ALK: variants seen among roughly 807,000 people sequenced by gnomAD.
ALK encodes ALK receptor tyrosine kinase.
In ALK, 74 loss-of-function variants were observed where a neutral mutation model predicts 163.1. The ratio of observed to expected loss-of-function variants is 0.45; its 90% CI spans 0.38 to 0.55. The LOEUF (loss-of-function observed/expected upper bound fraction) is 0.55. Ranked by LOEUF, ALK falls within the 20% of genes least tolerant of loss-of-function variation. ALK has a pLI of 0.00. For synonymous variants in ALK, 960 were observed against 843.2 expected, an observed-to-expected ratio of 1.14 and a Z score of -2.40; for missense variants, 2,063 against 2,105.3, an observed-to-expected ratio of 0.98 and a Z score of 0.39.
chr2:29,251,671 C>G (rs957622146), intron 11 of ALK, among the ~76,000 whole-genome samples: 14 of 152,234 alleles, frequency 9.2e-5, no homozygotes, highest in African/African-American at 3.4e-4. Context: ...GGTCCTCTCC[C>G]AGTCTCTCAC....
chr2:29,869,211 G>A (rs1666515424), intron 1 of ALK, among the ~76,000 whole-genome samples: 1 of 152,154 alleles, frequency 6.6e-6, no homozygotes, highest in South Asian at 2.1e-4. Context: ...CAAGTGGTTT[G>A]CTATGCAACC....
At chr2:29,564,859 T>C (rs1288469686) in intron 3 of ALK, among the ~76,000 whole-genome samples, 1 of 152,112 alleles carries the variant, frequency 6.6e-6, no homozygotes, top group Non-Finnish European at 1.5e-5. Context: ...TTTTCTAGGG[T>C]TCAATCTGAG....
At chr2:29,197,768 C>T in intron 26 of ALK, 92 bp from the exon 27 acceptor site, 1 of 1,137,624 alleles carries the variant, frequency 8.8e-7, no homozygotes, top group Non-Finnish European at 1.3e-6. Context: ...CAATTTCAAC[C>T]TTTTTTTCCC....
intron 4 of ALK, among the ~76,000 whole-genome samples, chr2:29,419,096 C>T (rs1358695042): frequency 6.6e-6 from 1 of 150,996 alleles, no homozygotes; most frequent in East Asian, 1.9e-4. Flanking sequence ...ACTCTGTTGC[C>T]CAGGCTTGGG....
chr2:29,212,233 T>C (rs773671441), intron 24 of ALK, among the ~76,000 whole-genome samples: 9 of 152,192 alleles, frequency 5.9e-5, no homozygotes, highest in Non-Finnish European at 1.3e-4. Context: ...GATGGAAAGA[T>C]GACTCTAACC....
intron 24 of ALK, 54 bp downstream of exon 24, chr2:29,213,929 GA>G (rs1307831564): frequency 1.4e-6 from 2 of 1,455,516 alleles, no homozygotes; most frequent in Non-Finnish European, 1.9e-6. Context: ...GATCTGCGGG[GA>G]AGCACACAGA....
chr2:29,359,859 G>A (rs1392362705), intron 5 of ALK, among the ~76,000 whole-genome samples: 3 of 152,184 alleles, frequency 2.0e-5, no homozygotes, highest in Non-Finnish European at 4.4e-5. Flanking sequence ...CCCTTTGGTG[G>A]TGCCTAAGAC....
chr2:29,273,229 G>A (rs993039894), intron 11 of ALK, among the ~76,000 whole-genome samples: 13 of 152,356 alleles, frequency 8.5e-5, no homozygotes, highest in African/African-American at 2.2e-4. Flanking sequence ...ACCATGCACC[G>A]TGCTGGGCAC....
chr2:29,681,389 T>A (rs921163589), intron 3 of ALK: 1 of 152,206 alleles, frequency 6.6e-6, no homozygotes, highest in African/African-American at 2.4e-5. Flanking sequence ...TGGCAAATGT[T>A]TTTACAGATG....
At chr2:29,364,004 A>C (rs1668445050) in intron 5 of ALK, among the ~76,000 whole-genome samples, 1 of 152,192 alleles carries the variant, frequency 6.6e-6, no homozygotes, top group African/African-American at 2.4e-5. Context: ...ACTAAATCTA[A>C]GTCCTTAAAG....
At chr2:29,716,267 T>C (rs1266852388) in intron 2 of ALK, among the ~76,000 whole-genome samples, 1 of 152,160 alleles carries the variant, frequency 6.6e-6, no homozygotes, top group Non-Finnish European at 1.5e-5. Context: ...TCATCATAAA[T>C]ATGAGGCTGG....
chr2:29,329,440 G>A (rs1052624499), intron 5 of ALK, among the ~76,000 whole-genome samples: 2 of 152,312 alleles, frequency 1.3e-5, no homozygotes, highest in East Asian at 1.9e-4. Flanking sequence ...GGAGACTCTG[G>A]CCCCTGTGGA....
At chr2:29,347,255 T>A (rs987085376) in intron 5 of ALK, among the ~76,000 whole-genome samples, 1 of 152,216 alleles carries the variant, frequency 6.6e-6, no homozygotes, top group Non-Finnish European at 1.5e-5. Context: ...GTGGGGTCTC[T>A]GGCCCTGCCT....
intron 1 of ALK, among the ~76,000 whole-genome samples, chr2:29,861,931 G>A (rs1666303062): frequency 6.6e-6 from 1 of 152,072 alleles, no homozygotes; most frequent in Admixed American, 6.6e-5. Flanking sequence ...CATTCACCAC[G>A]ATCAAGTGGG....
At chr2:29,280,347 TG>T (rs1665677246) in intron 9 of ALK, among the ~76,000 whole-genome samples, 1 of 152,094 alleles carries the variant, frequency 6.6e-6, no homozygotes, top group African/African-American at 2.4e-5. Context: ...TTATGGTATA[TG>T]CCAGGTGTAC....
chr2:29,342,877 CTTTTT>C (rs57838065), intron 5 of ALK, among the ~76,000 whole-genome samples: 1 of 90,446 alleles, frequency 1.1e-5, no homozygotes, highest in South Asian at 4.4e-4. Context: ...GCTCAGTGAT[CTTTTT>C]TTTTTTTTTT....
At chr2:29,631,532 TTGGAAA>T (rs1340764288) in intron 3 of ALK, among the ~76,000 whole-genome samples, 1 of 152,102 alleles carries the variant, frequency 6.6e-6, no homozygotes, top group Non-Finnish European at 1.5e-5. Context: ...GGAACAGGAG[TTGGAAA>T]TCCCAGCTCT....
chr2:29,803,598 C>T (rs1032396820), intron 1 of ALK, among the ~76,000 whole-genome samples: 2 of 152,164 alleles, frequency 1.3e-5, no homozygotes, highest in African/African-American at 4.8e-5. Context: ...TTTCCGATTG[C>T]TCTATGTTTC....
At chr2:29,906,036 A>T (rs1285481749) in intron 1 of ALK, among the ~76,000 whole-genome samples, 1 of 152,076 alleles carries the variant, frequency 6.6e-6, no homozygotes, top group Non-Finnish European at 1.5e-5. Flanking sequence ...GCAACAACAC[A>T]GGTTTCCCAG....
Sources: allele counts gnomAD v4.1 joint callset (sites outside exome capture counted in the v4.1 genomes callset), GRCh38; gene constraint gnomAD v4.1.1; transcripts MANE v1.5; gene names NCBI Gene and HGNC (gene_info 2026-07-23, HGNC 2026-07-21).